AP5Z1: variants seen among roughly 807,000 people sequenced by gnomAD.
The protein encoded by AP5Z1 is adaptor related protein complex 5 subunit zeta 1, also known as AP-5 complex subunit zeta-1.
Under a neutral mutation model 83.0 loss-of-function variants are expected in AP5Z1, and 106 were observed. That is an observed-to-expected ratio of 1.28 (90% CI 1.09 to 1.50). The LOEUF is 1.50. AP5Z1 is among the 40% of genes most tolerant of loss of function. The pLI, the probability that AP5Z1 is intolerant of heterozygous loss-of-function variation, is 0.00. For missense variants in AP5Z1, 1,565 were observed against 1,094.2 expected (o/e 1.43, Z -6.07); for synonymous variants, 751 against 514.1 (o/e 1.46, Z -6.23).
intron 16 of AP5Z1, 75 bp downstream of exon 16, chr7:4,790,962 G>GGTGTT (rs1210081561): frequency 1.3e-5 from 19 of 1,493,628 alleles, no homozygotes; most frequent in Non-Finnish European, 1.5e-5. Flanking sequence ...TTCCCATCCA[G>GGTGTT]GTGTTGTGAA....
chr7:4,790,759 G>A lies in AP5Z1; in HGVS notation c.2025G>A (p.Glu675=), dbSNP rs758146937. The change falls in exon 16 of 17, where the codon GAG becomes GAA. Residue 675 remains glutamate (E), a synonymous_variant. Transcript: ENST00000649063. ...EQINKFFEAL[E]ALLFEVTQCR... ...TCAACAAGTTCTTCGAAGCCCTGGA[G>A]GCTCTGCTATTCGAGGTCACCCAGT... The A allele has an allele frequency of 7.6e-5, 123 of 1,609,276 alleles. No homozygotes were observed. The highest frequency in any genetic ancestry group is 1.0e-4 in the Non-Finnish European group (121 of 1,178,816).
At position 4,785,689 on chromosome 7, in the gene AP5Z1, G is replaced by A; in HGVS notation, c.1132+5G>A. On this transcript the variant is annotated splice_donor_5th_base_variant and intron_variant, in intron 9 of 16. Coordinates refer to ENST00000649063, the MANE Select transcript of AP5Z1 (RefSeq NM_014855.3). ...CCCACTTCTTCCTGAGCCACGGTGA[G>A]CCCAGGGTGGGGTGGCGCTGACTCG... 2 of 1,516,384 alleles carry A rather than the reference G, an allele frequency of 1.3e-6. No homozygotes were observed. Among genetic ancestry groups the A allele is most frequent in the Non-Finnish European group, 1.8e-6 (2 of 1,129,730 alleles). The allele number at this position is 1,516,384 out of a possible 1,614,324, so 93.9% of individuals were successfully genotyped here.
chr7:4,788,167 G>A lies in AP5Z1; in HGVS notation c.1468G>A (p.Ala490Thr), dbSNP rs1477991304. ...LDLQLRSAPA[A>T]SERPLWDTSL... ...CTGTCCACGCAGGTCAGCACCGGCTGCATCCGAGAGGCCACTCTGGGACAC... is the reference window on the plus strand; with the variant it reads ...CTGTCCACGCAGGTCAGCACCGGCTACATCCGAGAGGCCACTCTGGGACAC... Residue 490 changes from alanine to threonine, a missense_variant, in exon 12 of 17, where the codon GCA becomes ACA. By Grantham distance (58) the Ala-to-Thr change is moderately conservative. Transcript: ENST00000649063. 6.4e-7 allele frequency: 1 copy of A among 1,553,760 alleles called. No individual in the cohort carries two copies. Among genetic ancestry groups the A allele is most frequent in the Non-Finnish European group, 8.7e-7 (1 of 1,149,536 alleles).
At chr7:4,782,737 C>G (rs1037421724) in intron 3 of AP5Z1, among the ~76,000 whole-genome samples, 3 of 152,010 alleles carry the variant, frequency 2.0e-5, no homozygotes, top group Non-Finnish European at 4.4e-5. Context: ...AACAAGATGA[C>G]TCCGGCTCTT....
intron 9 of AP5Z1, 44 bp from the exon 10 acceptor site, chr7:4,786,206 G>A: frequency 1.9e-6 from 3 of 1,539,192 alleles, no homozygotes; most frequent in Non-Finnish European, 2.6e-6. Context: ...AGCACGGCCA[G>A]GGCGAGGTCA....
chr7:4,789,705 G>A, intron 13 of AP5Z1, 127 bp from the exon 14 acceptor site: 2 of 647,914 alleles, frequency 3.1e-6, no homozygotes, highest in Non-Finnish European at 5.2e-6. Flanking sequence ...CTGGGTGTTG[G>A]GGAAGGCAGT....
rs775600758 is a variant in AP5Z1 at position 4,787,631 on chromosome 7, C to T, written c.1312-3C>T. On this transcript the variant is annotated splice_polypyrimidine_tract_variant and splice_region_variant and intron_variant, in intron 10 of 16. Coordinates refer to ENST00000649063, the MANE Select transcript of AP5Z1 (RefSeq NM_014855.3). Reference sequence around the variant, plus strand: ...TGTCCGAACCGCTGTGCTGTGCCCACAGTTCCTGGCCTGGAACAGCCCACC... The same window carrying T: ...TGTCCGAACCGCTGTGCTGTGCCCATAGTTCCTGGCCTGGAACAGCCCACC... 7 of 1,550,910 alleles carry T rather than the reference C, an allele frequency of 4.5e-6. No homozygotes were observed. Among genetic ancestry groups the T allele is most frequent in the Non-Finnish European group, 2.6e-6 (3 of 1,147,982 alleles).
At chr7:4,783,275 C>T (rs1290568294) in intron 3 of AP5Z1, 41 bp from the exon 4 acceptor site, 2 of 1,536,872 alleles carry the variant, frequency 1.3e-6, no homozygotes, top group Non-Finnish European at 1.8e-6. Flanking sequence ...TGGTCTCTGG[C>T]ACAGGCCAGT....
chr7:4,784,332 C>G lies in AP5Z1; in HGVS notation c.751C>G (p.Leu251Val), dbSNP rs766178111. The G allele has an allele frequency of 1.9e-6, 3 of 1,600,096 alleles. No homozygotes were observed. Among genetic ancestry groups the G allele is most frequent in the Non-Finnish European group, 2.6e-6 (3 of 1,174,804 alleles). Reference protein sequence around the residue: ...QAFSMLRAWLLHSGPEGPGTL... With the variant: ...QAFSMLRAWLVHSGPEGPGTL... ...CTTCTCTATGCTGCGGGCGTGGCTG[C>G]TGCACAGCGGCCCCGAGGGCCCGGG... Residue 251 changes from leucine to valine, a missense_variant, in exon 6 of 17, where the codon CTG becomes GTG. Transcript: ENST00000649063.
intron 9 of AP5Z1, 134 bp downstream of exon 9, chr7:4,785,818 G>T: frequency 7.9e-7 from 1 of 1,269,002 alleles, no homozygotes; most frequent in Non-Finnish European, 1.0e-6. Context: ...TGTTGCCCAG[G>T]CTGGTCTGGA....
At chr7:4,784,769 G>A (rs1372101147) in intron 6 of AP5Z1, 139 bp from the exon 7 acceptor site, 26 of 1,212,096 alleles carry the variant, frequency 2.1e-5, no homozygotes, top group South Asian at 5.3e-5. Flanking sequence ...GTGGGTGGAC[G>A]TCCTGAGACG....
At chr7:4,777,972 A>G (rs1447011292) in intron 1 of AP5Z1, among the ~76,000 whole-genome samples, 1 of 152,236 alleles carries the variant, frequency 6.6e-6, no homozygotes, top group Admixed American at 6.5e-5. Context: ...TAATCCGAAC[A>G]CTTCGGGAGG....
At chr7:4,789,297 C>G (rs79060136) in intron 13 of AP5Z1, among the ~76,000 whole-genome samples, 6,177 of 152,262 alleles carry the variant, frequency 0.041, 428 homozygotes, top group African/African-American at 0.14. Flanking sequence ...GCCCTGTCTT[C>G]CGTCCCCAGG....
chr7:4,789,109 A>G (rs944379818), intron 13 of AP5Z1, 158 bp downstream of exon 13: 1 of 634,818 alleles, frequency 1.6e-6, no homozygotes, highest in Non-Finnish European at 2.7e-6. Context: ...CACATGCCAC[A>G]GCCCCGGCAG....
In AP5Z1 at chr7:4,781,714, G is replaced by T; in HGVS notation, c.326G>T (p.Ser109Ile). ...LSLAWDHTQN[S>I]RQLSLVASVL... is the part of the protein sequence containing the mutation. Reference sequence around the variant, plus strand: ...CTGGCCTGGGACCACACGCAGAACAGCCGGCAGCTGAGCCTGGTGGCCTCC... The same window carrying T: ...CTGGCCTGGGACCACACGCAGAACATCCGGCAGCTGAGCCTGGTGGCCTCC... Residue 109 changes from serine to isoleucine, a missense_variant, in exon 3 of 17, where the codon AGC becomes ATC. Physicochemically the swap from Ser to Ile is moderately radical, Grantham distance 142. Transcript: ENST00000649063. 1 of 1,582,836 alleles carries T rather than the reference G, an allele frequency of 6.3e-7. No individual in the cohort carries two copies.
At position 4,786,443 on chromosome 7, in the gene AP5Z1, C is replaced by T; in HGVS notation, c.1311+15C>T. The T allele has an allele frequency of 2.5e-6, 4 of 1,612,544 alleles. No individual in the cohort carries two copies. Among genetic ancestry groups the T allele is most frequent in the Non-Finnish European group, 3.4e-6 (4 of 1,179,660 alleles). On this transcript the variant is annotated intron_variant, in intron 10 of 16. Coordinates refer to ENST00000649063, the MANE Select transcript of AP5Z1 (RefSeq NM_014855.3). The stretch of plus-strand genomic sequence containing the variant: ...ACCTCTTTAAGGTATATTTGGGCAT[C>T]CCTGGGTGCCAGGGCAGGGGCATGG...
At position 4,788,304 on chromosome 7, in the gene AP5Z1, C is replaced by G. The variant is rs1379583139; in HGVS notation, c.1595+10C>G. On this transcript the variant is annotated intron_variant, in intron 12 of 16. Transcript: ENST00000649063. ...GTGGCGCCACTGAGAGGTACGGGGC[C>G]CTAGGGCCAGGGGGCCACCAGTGGC... The G allele has an allele frequency of 6.3e-7, 1 of 1,576,270 alleles. No individual in the cohort carries two copies. The highest frequency in any genetic ancestry group is 1.8e-5 in the Admixed American group (1 of 54,988).
At position 4,792,675 on chromosome 7, in the gene AP5Z1, AGGGCCGCTGAGCCG is replaced by A. The variant is rs1781822825; in HGVS notation, c.*1298_*1311del. The A allele has an allele frequency of 6.6e-6, 1 of 152,212 alleles. No homozygotes were observed. Among genetic ancestry groups the A allele is most frequent in the South Asian group, 2.1e-4 (1 of 4,836 alleles). The allele number at this position is 152,212 out of a possible 1,614,324, so 9.4% of individuals were successfully genotyped here. A position where few individuals can be genotyped will look rare whatever the true frequency, so the allele number is the denominator to read the frequency against. On this transcript the variant is annotated 3_prime_UTR_variant, in exon 17 of 17. Transcript: ENST00000649063. ...CCCCCGCGGCCTGCGATGACAGCCC[AGGGCCGCTGAGCCG>A]GGGCCGCAGGAAAGGCTGGCGCTGG...
intron 14 of AP5Z1, chr7:4,790,166 T>G (rs1461327240): frequency 1.3e-6 from 2 of 1,524,344 alleles, no homozygotes; most frequent in Admixed American, 2.0e-5. Context: ...CAGGGTTAGC[T>G]CAGGTCCCTC....
Sources: gnomAD v4.1 joint callset for allele counts (sites outside exome capture counted in the v4.1 genomes callset) on GRCh38, gnomAD v4.1.1 for gene constraint, MANE v1.5 for transcripts, NCBI Gene and HGNC (gene_info 2026-07-23, HGNC 2026-07-21) for gene names.